C17orf114: variants seen among roughly 807,000 people sequenced by gnomAD.
C17orf114 encodes uncharacterized protein C17orf114.
rs1225277424 is a variant in C17orf114, at chr17:4,801,457, T to C, written c.74-2A>G. ...CTGGAGGGGCAGCAGGACTCAGGCCTAAAAGATTGGAGGAAGAAGGAAGTT... is the reference window on the plus strand; with the variant it reads ...CTGGAGGGGCAGCAGGACTCAGGCCCAAAAGATTGGAGGAAGAAGGAAGTT... On this transcript the variant is annotated splice_acceptor_variant, in intron 1 of 1. Coordinates refer to ENST00000635921, the Ensembl canonical transcript of C17orf114. LOFTEE classifies it high-confidence loss of function. The C allele has an allele frequency of 2.5e-6, 1 of 398,678 alleles. No individual in the cohort carries two copies. The highest frequency in any genetic ancestry group is 2.1e-5 in the African/African-American group (1 of 48,558). 24.7% of individuals were successfully genotyped at this position (398,678 alleles called of 1,614,324 possible).
chr17:4,804,842 C>A (rs545763591), upstream of C17orf114, among the ~76,000 whole-genome samples: 114 of 150,900 alleles, frequency 7.6e-4, no homozygotes, highest in Admixed American at 9.9e-4. Flanking sequence ...CCTCGGCCTC[C>A]CAAAGTGCTG....
upstream of C17orf114, among the ~76,000 whole-genome samples, chr17:4,804,199 TTC>T (rs1334237682): frequency 1.3e-5 from 2 of 149,434 alleles, no homozygotes; most frequent in African/African-American, 2.4e-5. Context: ...TGTGTTTTTT[TTC>T]TTTTTTCTTT....
At chr17:4,803,825 G>A (rs376716600), upstream of C17orf114, among the ~76,000 whole-genome samples, 8 of 151,410 alleles carry the variant, frequency 5.3e-5, no homozygotes, top group East Asian at 3.9e-4. Context: ...GGGCTCAAGC[G>A]AGTCTCCTGT....
upstream of C17orf114, chr17:4,802,398 C>G: frequency 2.5e-6 from 1 of 398,538 alleles, no homozygotes. Context: ...AGCCCCCCCA[C>G]CATGGGCAAA....
At chr17:4,805,600 G>C (rs1266514758), upstream of C17orf114, among the ~76,000 whole-genome samples, 1 of 151,708 alleles carries the variant, frequency 6.6e-6, no homozygotes, top group Non-Finnish European at 1.5e-5. Context: ...CTTGAACCTG[G>C]AAGGGGGAGG....
upstream of C17orf114, among the ~76,000 whole-genome samples, chr17:4,805,540 C>G (rs1705983349): frequency 6.6e-6 from 1 of 151,566 alleles, no homozygotes; most frequent in African/African-American, 2.4e-5. Context: ...GCCCGGCCAA[C>G]ATGGTGAAAC....
upstream of C17orf114, among the ~76,000 whole-genome samples, chr17:4,802,490 G>A (rs1252337102): frequency 1.3e-5 from 2 of 152,190 alleles, no homozygotes; most frequent in African/African-American, 4.8e-5. Flanking sequence ...AAAGGGGTGG[G>A]GGTACACTCC....
chr17:4,803,326 G>A (rs975695938), upstream of C17orf114, among the ~76,000 whole-genome samples: 3 of 151,498 alleles, frequency 2.0e-5, no homozygotes, highest in Non-Finnish European at 4.4e-5. Context: ...CCAAGGTCAC[G>A]CAGGCAGTTA....
At chr17:4,804,439 C>T (rs146044172), upstream of C17orf114, among the ~76,000 whole-genome samples, 3 of 151,724 alleles carry the variant, frequency 2.0e-5, no homozygotes, top group East Asian at 3.9e-4. Flanking sequence ...ATCGTGACCT[C>T]GTGATCTGCC....
At chr17:4,803,923 C>T (rs1005513216), upstream of C17orf114, among the ~76,000 whole-genome samples, 7 of 151,802 alleles carry the variant, frequency 4.6e-5, no homozygotes, top group East Asian at 1.9e-4. Flanking sequence ...GCTTTCACCA[C>T]GTTGGCCAGG....
At chr17:4,803,721 C>T (rs528281169), upstream of C17orf114, among the ~76,000 whole-genome samples, 8 of 151,558 alleles carry the variant, frequency 5.3e-5, no homozygotes, top group South Asian at 6.2e-4. Flanking sequence ...ACACAGCACC[C>T]GGCCTTTTTT....
At chr17:4,805,566 A>C (rs1905689127), upstream of C17orf114, among the ~76,000 whole-genome samples, 1 of 151,356 alleles carries the variant, frequency 6.6e-6, no homozygotes, top group East Asian at 1.9e-4. Context: ...CTCTACTAAA[A>C]ATACAAAAAT....
At chr17:4,805,733 CA>C (rs1205136468), upstream of C17orf114, among the ~76,000 whole-genome samples, 1 of 151,628 alleles carries the variant, frequency 6.6e-6, no homozygotes, top group African/African-American at 2.4e-5. Context: ...GGGCGGATCA[CA>C]AGGTCAAGAG....
At chr17:4,802,915 C>T (rs1008416504), upstream of C17orf114, among the ~76,000 whole-genome samples, 3 of 152,188 alleles carry the variant, frequency 2.0e-5, no homozygotes, top group East Asian at 1.9e-4. Context: ...CACTTAATCA[C>T]GTCAAAGATC....
upstream of C17orf114, among the ~76,000 whole-genome samples, chr17:4,805,121 GTT>G (rs1905613130): frequency 2.0e-5 from 3 of 151,914 alleles, no homozygotes; most frequent in South Asian, 4.2e-4. Context: ...ATCACTATAG[GTT>G]GTTTTTGCCT....
chr17:4,803,188 G>A (rs1905553669), upstream of C17orf114, among the ~76,000 whole-genome samples: 1 of 151,906 alleles, frequency 6.6e-6, no homozygotes, highest in Non-Finnish European at 1.5e-5. Flanking sequence ...CAAAGTGCTG[G>A]GATTACAGGT....
chr17:4,805,484 G>A (rs1905675670), upstream of C17orf114, among the ~76,000 whole-genome samples: 4 of 151,266 alleles, frequency 2.6e-5, no homozygotes, highest in South Asian at 8.4e-4. Flanking sequence ...CAGCACTTTG[G>A]GAGGCTGAGG....
exon 2 of C17orf114, chr17:4,801,359 C>A: frequency 2.5e-6 from 1 of 398,818 alleles, no homozygotes; most frequent in East Asian, 3.6e-5. Flanking sequence ...GGCTTTCCTG[C>A]TGAAGTAGGC....
At chr17:4,805,953 A>C (rs953227862), upstream of C17orf114, among the ~76,000 whole-genome samples, 6 of 152,194 alleles carry the variant, frequency 3.9e-5, no homozygotes, top group African/African-American at 7.2e-5. Context: ...ACTCCATCTC[A>C]AAAAAAGAAA....
Sources: allele counts gnomAD v4.1 joint callset (sites outside exome capture counted in the v4.1 genomes callset), GRCh38; gene constraint gnomAD v4.1.1; transcripts MANE v1.5; gene names NCBI Gene and HGNC (gene_info 2026-07-23, HGNC 2026-07-21).